The following SH3GL2 variants were observed in gnomAD, a reference collection of about 807,000 sequenced individuals.
SH3GL2 encodes SH3 domain containing GRB2 like 2, endophilin A1.
Under a neutral mutation model 46.0 loss-of-function variants are expected in SH3GL2, and 24 were observed. The observed-to-expected ratio is 0.52, with a 90% confidence interval of 0.38 to 0.73. The LOEUF is 0.73. SH3GL2 is among the 30% of genes least tolerant of loss of function. SH3GL2 has a pLI of 0.00. For synonymous variants in SH3GL2, 196 were observed against 147.1 expected (o/e 1.33, Z -2.40); for missense variants, 413 against 424.2 (o/e 0.97, Z 0.23).
chr9:17,738,641 T>TATATATATATATAGAGAGAGAG (rs376280314), intron 1 of SH3GL2, among the ~76,000 whole-genome samples: 7 of 88,878 alleles, frequency 7.9e-5, no homozygotes, highest in East Asian at 4.1e-4. Flanking sequence ...TATATATATA[T>TATATATATATATAGAGAGAGAG]AGAGAGAGAG....
At chr9:17,695,579 C>T (rs1821182203) in intron 1 of SH3GL2, among the ~76,000 whole-genome samples, 3 of 152,066 alleles carry the variant, frequency 2.0e-5, no homozygotes, top group South Asian at 2.1e-4. Context: ...GAGGTATCTG[C>T]ACTCCCTCTG....
intron 4 of SH3GL2, 94 bp downstream of exon 4, chr9:17,786,618 T>C: frequency 7.2e-7 from 1 of 1,388,434 alleles, no homozygotes; most frequent in South Asian, 1.2e-5. Flanking sequence ...TCAAATCATT[T>C]TATATTTTGG....
intron 1 of SH3GL2, among the ~76,000 whole-genome samples, chr9:17,742,130 A>G (rs374601559): frequency 7.9e-5 from 12 of 152,312 alleles, no homozygotes; most frequent in African/African-American, 2.4e-4. Flanking sequence ...TCTTAAGTCT[A>G]TTGAATTTCA....
intron 1 of SH3GL2, among the ~76,000 whole-genome samples, chr9:17,618,974 C>T (rs1819068898): frequency 6.6e-6 from 1 of 151,778 alleles, no homozygotes; most frequent in Non-Finnish European, 1.5e-5. Flanking sequence ...TTTTAAATTC[C>T]AAAAATGACA....
At chr9:17,752,049 A>C (rs1822862999) in intron 2 of SH3GL2, among the ~76,000 whole-genome samples, 1 of 152,242 alleles carries the variant, frequency 6.6e-6, no homozygotes, top group Non-Finnish European at 1.5e-5. Context: ...CATTGGAGCA[A>C]TCACAGCATT....
At chr9:17,753,336 G>A (rs1822900716) in intron 2 of SH3GL2, among the ~76,000 whole-genome samples, 1 of 152,202 alleles carries the variant, frequency 6.6e-6, no homozygotes, top group Admixed American at 6.5e-5. Flanking sequence ...CAGTGTATAA[G>A]CATTCCTTTT....
intron 1 of SH3GL2, among the ~76,000 whole-genome samples, chr9:17,732,784 A>G (rs1822218347): frequency 6.6e-6 from 1 of 152,166 alleles, no homozygotes; most frequent in Admixed American, 6.6e-5. Flanking sequence ...AATGTTCACC[A>G]ACAGCTTTTA....
intron 1 of SH3GL2, among the ~76,000 whole-genome samples, chr9:17,703,094 A>G (rs2118216742): frequency 6.6e-6 from 1 of 152,206 alleles, no homozygotes; most frequent in African/African-American, 2.4e-5. Context: ...AGGACCCTCA[A>G]GCTCTTGAAG....
intron 1 of SH3GL2, among the ~76,000 whole-genome samples, chr9:17,736,700 G>A (rs145489399): frequency 1.8e-3 from 281 of 152,136 alleles, no homozygotes; most frequent in African/African-American, 6.4e-3. Flanking sequence ...GATATCCATC[G>A]GCTTGCAGTT....
chr9:17,600,998 G>A (rs1008168931), intron 1 of SH3GL2, among the ~76,000 whole-genome samples: 2 of 152,142 alleles, frequency 1.3e-5, no homozygotes, highest in African/African-American at 4.8e-5. Context: ...TTAGCTCAGT[G>A]ACAATCACTG....
intron 1 of SH3GL2, among the ~76,000 whole-genome samples, chr9:17,628,019 C>A (rs1819323606): frequency 6.6e-6 from 1 of 152,092 alleles, no homozygotes; most frequent in South Asian, 2.1e-4. Context: ...TTTAAGAGCT[C>A]TAAGTTCTTT....
intron 1 of SH3GL2, among the ~76,000 whole-genome samples, chr9:17,680,070 G>A (rs562799881): frequency 2.6e-5 from 4 of 152,226 alleles, no homozygotes; most frequent in East Asian, 1.9e-4. Context: ...TGTTCATCAG[G>A]GATATTGGTC....
intron 2 of SH3GL2, among the ~76,000 whole-genome samples, chr9:17,751,854 C>G (rs1321703085): frequency 2.8e-5 from 4 of 143,198 alleles, no homozygotes; most frequent in African/African-American, 9.0e-5. Context: ...CTAAGACACA[C>G]CCCCCCGGTG....
At chr9:17,658,080 A>G (rs1413991349) in intron 1 of SH3GL2, among the ~76,000 whole-genome samples, 1 of 152,188 alleles carries the variant, frequency 6.6e-6, no homozygotes, top group East Asian at 1.9e-4. Flanking sequence ...AGCTCACACT[A>G]TTTGCTGAAT....
At chr9:17,703,970 G>T (rs967809566) in intron 1 of SH3GL2, among the ~76,000 whole-genome samples, 2 of 151,934 alleles carry the variant, frequency 1.3e-5, no homozygotes, top group African/African-American at 4.8e-5. Context: ...GGTATAAAAA[G>T]CATTCAGATA....
intron 3 of SH3GL2, among the ~76,000 whole-genome samples, chr9:17,777,597 A>G (rs1278585105): frequency 6.6e-6 from 1 of 152,044 alleles, no homozygotes; most frequent in Non-Finnish European, 1.5e-5. Context: ...TTGCTTGACC[A>G]TGTTTTAATT....
chr9:17,718,681 G>C (rs1821820754), intron 1 of SH3GL2, among the ~76,000 whole-genome samples: 1 of 152,126 alleles, frequency 6.6e-6, no homozygotes, highest in South Asian at 2.1e-4. Context: ...AGTTAGTTGT[G>C]ATCATGCCAC....
intron 1 of SH3GL2, among the ~76,000 whole-genome samples, chr9:17,727,722 G>A (rs1010225338): frequency 6.6e-6 from 1 of 152,184 alleles, no homozygotes; most frequent in Non-Finnish European, 1.5e-5. Context: ...CAGTGCTGAG[G>A]CATGTTCTTC....
chr9:17,629,923 G>A (rs1386796690), intron 1 of SH3GL2, among the ~76,000 whole-genome samples: 1 of 152,118 alleles, frequency 6.6e-6, no homozygotes, highest in East Asian at 1.9e-4. Context: ...TGTTTAAAAT[G>A]TGGTTCCCAG....
Sources: gnomAD v4.1 joint callset for allele counts (sites outside exome capture counted in the v4.1 genomes callset) on GRCh38, gnomAD v4.1.1 for gene constraint, MANE v1.5 for transcripts, NCBI Gene and HGNC (gene_info 2026-07-23, HGNC 2026-07-21) for gene names.